Variants in SDK1 observed in about 807,000 individuals in gnomAD.
SDK1 encodes the protein sidekick cell adhesion molecule 1.
Under a neutral mutation model 245.5 loss-of-function variants are expected in SDK1, and 157 were observed. The observed-to-expected ratio is 0.64, with a 90% CI of 0.56 to 0.73. SDK1 has a LOEUF of 0.73. SDK1 is among the 30% of genes least tolerant of loss of function. The pLI, the probability that SDK1 is intolerant of heterozygous loss-of-function variation, is 0.00. For synonymous variants in SDK1, 1,647 were observed against 1,278.5 expected (o/e 1.29, Z -6.15); for missense variants, 3,583 against 3,002.3 (o/e 1.19, Z -4.52).
intron 1 of SDK1, among the ~76,000 whole-genome samples, chr7:3,306,512 A>C (rs1223067809): frequency 6.6e-6 from 1 of 152,320 alleles, no homozygotes; most frequent in East Asian, 1.9e-4. Flanking sequence ...GGAGTTTGTA[A>C]GGTACTGATC....
At chr7:4,114,014 C>T (rs1284656460) in intron 24 of SDK1, 23 bp from the exon 25 acceptor site, 12 of 1,599,840 alleles carry the variant, frequency 7.5e-6, no homozygotes, top group South Asian at 3.3e-5. Flanking sequence ...GTCAGCTCAT[C>T]GCGACTCCTC....
intron 5 of SDK1, among the ~76,000 whole-genome samples, chr7:3,835,541 C>G (rs943455743): frequency 1.2e-4 from 19 of 152,140 alleles, no homozygotes; most frequent in African/African-American, 4.3e-4. Context: ...TCCTAAGTTC[C>G]CTAGGAAGTC....
chr7:3,498,117 T>C (rs565262832), intron 1 of SDK1, among the ~76,000 whole-genome samples: 2 of 152,368 alleles, frequency 1.3e-5, no homozygotes, highest in Non-Finnish European at 2.9e-5. Context: ...TTCAAAACTT[T>C]ATTCTTAAAA....
At chr7:4,196,598 G>C (rs1783591062) in intron 35 of SDK1, among the ~76,000 whole-genome samples, 1 of 152,184 alleles carries the variant, frequency 6.6e-6, no homozygotes, top group East Asian at 1.9e-4. Context: ...CACCTGGCCA[G>C]GGGAGCCCTC....
At chr7:3,956,446 C>T (rs562223723) in intron 7 of SDK1, among the ~76,000 whole-genome samples, 1 of 152,352 alleles carries the variant, frequency 6.6e-6, no homozygotes, top group South Asian at 2.1e-4. Flanking sequence ...AACTCGTACC[C>T]TCACACGGTG....
intron 1 of SDK1, among the ~76,000 whole-genome samples, chr7:3,553,690 C>T (rs1026128479): frequency 1.3e-5 from 2 of 152,144 alleles, no homozygotes; most frequent in African/African-American, 4.8e-5. Flanking sequence ...TTCTGTGAAG[C>T]AATTGTTAGA....
intron 35 of SDK1, among the ~76,000 whole-genome samples, chr7:4,179,496 T>C (rs1584382737): frequency 6.6e-6 from 1 of 152,062 alleles, no homozygotes; most frequent in Non-Finnish European, 1.5e-5. Flanking sequence ...AACCAATCAA[T>C]AGCACCAAGG....
intron 17 of SDK1, among the ~76,000 whole-genome samples, chr7:4,019,511 A>G (rs1191406167): frequency 6.6e-6 from 1 of 152,108 alleles, no homozygotes; most frequent in Non-Finnish European, 1.5e-5. Flanking sequence ...GGATGGGGAA[A>G]TTACTAAATT....
At chr7:4,134,372 G>A (rs1254287007) in intron 28 of SDK1, among the ~76,000 whole-genome samples, 1 of 152,170 alleles carries the variant, frequency 6.6e-6, no homozygotes, top group Non-Finnish European at 1.5e-5. Context: ...GGAGCTATGA[G>A]CCACATCTGG....
intron 1 of SDK1, among the ~76,000 whole-genome samples, chr7:3,491,259 C>T (rs11975299): frequency 0.66 from 100,727 of 152,114 alleles, 33,795 homozygotes; most frequent in South Asian, 0.8. Flanking sequence ...ACCTGTGCTG[C>T]GTTGTATTGT....
chr7:3,779,676 T>C (rs1402674313), intron 4 of SDK1, among the ~76,000 whole-genome samples: 1 of 152,146 alleles, frequency 6.6e-6, no homozygotes, highest in Non-Finnish European at 1.5e-5. Flanking sequence ...CTCACGCCTG[T>C]AATCCCAGCA....
intron 22 of SDK1, among the ~76,000 whole-genome samples, chr7:4,090,221 A>G (rs904128604): frequency 1.3e-5 from 2 of 152,160 alleles, no homozygotes; most frequent in Non-Finnish European, 2.9e-5. Context: ...ATTAATCAGT[A>G]TTTTGTGAGA....
At position 3,699,435 on chromosome 7, in the gene SDK1, T is replaced by C. The variant is rs1026165737; in HGVS notation, c.713+57330T>C. On this transcript the variant is annotated intron_variant, in intron 4 of 44. Transcript: ENST00000404826. ...GCAATCGAAAGTCTCAGCAAAGAAA[T>C]AGAAGAGATAATAGAGTACTGAATG... is the stretch of plus-strand genomic sequence containing the variant. Among the ~76,000 whole-genome samples, 18 of 152,080 alleles carry C rather than the reference T, an allele frequency of 1.2e-4. 1 individual carries two copies. In the South Asian group the frequency reaches 1.2e-3, roughly 11 times the overall value.
intron 4 of SDK1, among the ~76,000 whole-genome samples, chr7:3,767,961 A>G (rs557479463): frequency 6.6e-6 from 1 of 152,308 alleles, no homozygotes; most frequent in South Asian, 2.1e-4. Flanking sequence ...TACCATCCCC[A>G]TTTTAATCCT....
chr7:3,660,957 T>C (rs1014252554), intron 4 of SDK1, among the ~76,000 whole-genome samples: 1 of 152,234 alleles, frequency 6.6e-6, no homozygotes, highest in African/African-American at 2.4e-5. Context: ...GTCTGTAGTT[T>C]AATGAGTGAA....
chr7:3,542,766 T>G (rs530045448), intron 1 of SDK1, among the ~76,000 whole-genome samples: 2 of 152,302 alleles, frequency 1.3e-5, no homozygotes, highest in Admixed American at 1.3e-4. Context: ...TAGAAGTGCT[T>G]TTAAAGAAGG....
intron 1 of SDK1, among the ~76,000 whole-genome samples, chr7:3,536,120 G>C (rs568853930): frequency 6.6e-6 from 1 of 151,190 alleles, no homozygotes; most frequent in Non-Finnish European, 1.5e-5. Flanking sequence ...GCAGTGGTGC[G>C]ATCTCGGCTC....
chr7:3,660,302 A>T (rs1020792229), intron 4 of SDK1, among the ~76,000 whole-genome samples: 2 of 152,094 alleles, frequency 1.3e-5, no homozygotes, highest in African/African-American at 4.8e-5. Context: ...AATACCATGG[A>T]CCACCAAGAA....
intron 5 of SDK1, among the ~76,000 whole-genome samples, chr7:3,885,695 C>T (rs924040007): frequency 2.6e-5 from 4 of 152,176 alleles, no homozygotes; most frequent in African/African-American, 4.8e-5. Flanking sequence ...TTAGATGTTG[C>T]TTAATTGTTT....
Sources: gnomAD v4.1 joint callset for allele counts (sites outside exome capture counted in the v4.1 genomes callset) on GRCh38, gnomAD v4.1.1 for gene constraint, MANE v1.5 for transcripts, NCBI Gene and HGNC (gene_info 2026-07-23, HGNC 2026-07-21) for gene names.